The following CDKAL1 variants were observed in gnomAD, a reference collection of about 807,000 sequenced individuals.
CDKAL1 encodes threonylcarbamoyladenosine tRNA methylthiotransferase.
A neutral mutation model predicts 68.2 loss-of-function variants in CDKAL1; 32 were observed. That is an observed-to-expected ratio of 0.47 (90% CI 0.35 to 0.63). The LOEUF (loss-of-function observed/expected upper bound fraction) is 0.63, where lower values mean the gene tolerates loss of function less well. Ranked by LOEUF, CDKAL1 falls within the 30% of genes least tolerant of loss-of-function variation. CDKAL1 has a pLI of 0.00. For missense variants in CDKAL1, 606 were observed against 696.7 expected, an observed-to-expected ratio of 0.87 and a Z score of 1.47; for synonymous variants, 234 against 244.3, an observed-to-expected ratio of 0.96 and a Z score of 0.39.
At chr6:20,969,748 C>G (rs1222468449) in intron 10 of CDKAL1, among the ~76,000 whole-genome samples, 2 of 152,150 alleles carry the variant, frequency 1.3e-5, no homozygotes, top group East Asian at 3.9e-4. Context: ...CCACCTTTGC[C>G]TTTACTTCCT....
intron 4 of CDKAL1, among the ~76,000 whole-genome samples, chr6:20,591,594 A>G (rs1765595804): frequency 6.6e-6 from 1 of 152,160 alleles, no homozygotes. Flanking sequence ...GCATATGGCT[A>G]ACTAGTTTTC....
chr6:20,948,581 A>G (rs2150712934), intron 9 of CDKAL1, among the ~76,000 whole-genome samples: 1 of 152,132 alleles, frequency 6.6e-6, no homozygotes, highest in African/African-American at 2.4e-5. Context: ...GCATCTAATG[A>G]TTTTCTTCTT....
intron 12 of CDKAL1, among the ~76,000 whole-genome samples, chr6:21,104,788 T>C (rs1156399235): frequency 6.6e-6 from 1 of 152,262 alleles, no homozygotes; most frequent in Non-Finnish European, 1.5e-5. Flanking sequence ...TACTTAGTTA[T>C]ACTCCATTTC....
intron 8 of CDKAL1, among the ~76,000 whole-genome samples, chr6:20,798,025 A>T (rs1002587880): frequency 6.6e-6 from 1 of 151,820 alleles, no homozygotes. Context: ...CGTGTTGCCC[A>T]GGCTGGTCTT....
chr6:21,172,866 A>G (rs1168137952), intron 13 of CDKAL1, among the ~76,000 whole-genome samples: 2 of 152,220 alleles, frequency 1.3e-5, no homozygotes, highest in Admixed American at 1.3e-4. Context: ...TTTGTTAAAA[A>G]TTTTTGAATC....
chr6:21,207,670 A>G (rs899779612), intron 15 of CDKAL1, among the ~76,000 whole-genome samples: 1 of 152,150 alleles, frequency 6.6e-6, no homozygotes, highest in African/African-American at 2.4e-5. Flanking sequence ...ATGTCCCTCC[A>G]CCTCAGTTCT....
chr6:21,137,242 C>T (rs1775652978), intron 13 of CDKAL1, among the ~76,000 whole-genome samples: 2 of 152,158 alleles, frequency 1.3e-5, no homozygotes, highest in African/African-American at 4.8e-5. Context: ...ATTTACCTAG[C>T]ATGCTGCCAA....
chr6:20,801,060 G>A (rs1776345709), intron 8 of CDKAL1, among the ~76,000 whole-genome samples: 2 of 152,180 alleles, frequency 1.3e-5, no homozygotes, highest in East Asian at 1.9e-4. Flanking sequence ...TGGGACTATG[G>A]GCATATGCCA....
chr6:20,965,705 T>G (rs1765273792), intron 10 of CDKAL1, among the ~76,000 whole-genome samples: 1 of 152,222 alleles, frequency 6.6e-6, no homozygotes, highest in South Asian at 2.1e-4. Context: ...GCATTTCACA[T>G]TGCCAGTCCC....
chr6:21,064,356 G>A (rs1178213240), intron 11 of CDKAL1, among the ~76,000 whole-genome samples: 1 of 152,136 alleles, frequency 6.6e-6, no homozygotes, highest in African/African-American at 2.4e-5. Flanking sequence ...ATGATAACCA[G>A]TTCACTATAA....
intron 9 of CDKAL1, among the ~76,000 whole-genome samples, chr6:20,889,782 T>C (rs1203675068): frequency 6.6e-6 from 1 of 152,184 alleles, no homozygotes; most frequent in African/African-American, 2.4e-5. Context: ...TAGTTTGAAG[T>C]CAGGTAGTGT....
chr6:21,058,239 T>C (rs764166609), intron 11 of CDKAL1, among the ~76,000 whole-genome samples: 1 of 152,262 alleles, frequency 6.6e-6, no homozygotes, highest in African/African-American at 2.4e-5. Context: ...GCTTTTCTTG[T>C]TGAATTGATC....
At chr6:21,106,386 A>T (rs1282162088) in intron 12 of CDKAL1, among the ~76,000 whole-genome samples, 1 of 152,218 alleles carries the variant, frequency 6.6e-6, no homozygotes, top group East Asian at 1.9e-4. Context: ...ACATCTGCAG[A>T]TTCAACAAAC....
intron 11 of CDKAL1, among the ~76,000 whole-genome samples, chr6:21,060,873 C>G (rs1171623247): frequency 6.6e-6 from 1 of 152,046 alleles, no homozygotes; most frequent in Non-Finnish European, 1.5e-5. Flanking sequence ...CTTTGCTGAT[C>G]ATTTTTCTCT....
intron 9 of CDKAL1, among the ~76,000 whole-genome samples, chr6:20,923,544 TG>T (rs1322507928): frequency 6.6e-6 from 1 of 152,136 alleles, no homozygotes; most frequent in Non-Finnish European, 1.5e-5. Flanking sequence ...AATTGGTAAA[TG>T]GTATGTGTTC....
At chr6:21,062,679 A>C (rs2150928952) in intron 11 of CDKAL1, among the ~76,000 whole-genome samples, 1 of 152,320 alleles carries the variant, frequency 6.6e-6, no homozygotes, top group South Asian at 2.1e-4. Flanking sequence ...ACCAAGAATA[A>C]ATTAGGAACA....
At chr6:20,959,621 G>A (rs1376178156) in intron 10 of CDKAL1, among the ~76,000 whole-genome samples, 1 of 150,492 alleles carries the variant, frequency 6.6e-6, no homozygotes, top group Non-Finnish European at 1.5e-5. Flanking sequence ...CTTACCATAT[G>A]ATGACAGTTG....
chr6:20,969,666 C>G (rs1220960505), intron 10 of CDKAL1, among the ~76,000 whole-genome samples: 1 of 152,170 alleles, frequency 6.6e-6, no homozygotes, highest in African/African-American at 2.4e-5. Context: ...GTAAGTCTCT[C>G]AGTTTTTGCA....
At chr6:20,892,453 T>A (rs1247031902) in intron 9 of CDKAL1, among the ~76,000 whole-genome samples, 1 of 152,154 alleles carries the variant, frequency 6.6e-6, no homozygotes, top group Non-Finnish European at 1.5e-5. Flanking sequence ...TATTTATAGG[T>A]GAAATGACGT....
Sources: gnomAD v4.1 joint callset for allele counts (sites outside exome capture counted in the v4.1 genomes callset) on GRCh38, gnomAD v4.1.1 for gene constraint, MANE v1.5 for transcripts, NCBI Gene and HGNC (gene_info 2026-07-23, HGNC 2026-07-21) for gene names.